WDFY3: variants seen among roughly 807,000 people sequenced by gnomAD.
WDFY3 encodes the protein WD repeat and FYVE domain containing 3, also known as WD repeat and FYVE domain-containing protein 3.
In WDFY3, 66 loss-of-function variants were observed where a neutral mutation model predicts 409.6. The ratio of observed to expected loss-of-function variants is 0.16; its 90% CI spans 0.13 to 0.20. WDFY3 has a LOEUF of 0.20. Ranked by LOEUF, WDFY3 falls within the 10% of genes least tolerant of loss-of-function variation. WDFY3 has a pLI of 1.00. For missense variants in WDFY3, 3,031 were observed against 4,298.1 expected, an observed-to-expected ratio of 0.71 and a Z score of 8.24; for synonymous variants, 1,521 against 1,537.1, an observed-to-expected ratio of 0.99 and a Z score of 0.25.
chr4:84,683,618 T>C (rs1454282063), intron 63 of WDFY3, among the ~76,000 whole-genome samples: 3 of 152,158 alleles, frequency 2.0e-5, no homozygotes, highest in Non-Finnish European at 4.4e-5. Flanking sequence ...ACGAAGCCAT[T>C]TGACAGGCTG....
chr4:84,773,030 C>A, intron 29 of WDFY3, 101 bp from the exon 30 acceptor site: 1 of 887,552 alleles, frequency 1.1e-6, no homozygotes, highest in Non-Finnish European at 1.6e-6. Context: ...AAAACCAAAA[C>A]AGTACTTTTT....
intron 30 of WDFY3, 51 bp downstream of exon 30, chr4:84,772,784 G>T (rs540144214): frequency 4.2e-6 from 6 of 1,440,328 alleles, no homozygotes; most frequent in South Asian, 2.5e-5. Context: ...AAGAAAAAAG[G>T]CATAATATTT....
At chr4:84,736,111 T>A (rs1737394053) in intron 42 of WDFY3, 59 bp downstream of exon 42, 2 of 1,497,860 alleles carry the variant, frequency 1.3e-6, no homozygotes, top group East Asian at 4.6e-5. Context: ...TGCTTGTACA[T>A]GTTAAGTATA....
At chr4:84,767,802 G>C (rs1388675562) in intron 30 of WDFY3, among the ~76,000 whole-genome samples, 8 of 152,066 alleles carry the variant, frequency 5.3e-5, no homozygotes, top group Non-Finnish European at 1.0e-4. Context: ...AAAAAAGTTG[G>C]GGGCCAGGTG....
chr4:84,861,638 AG>A (rs1349638995), intron 3 of WDFY3, among the ~76,000 whole-genome samples: 1 of 152,208 alleles, frequency 6.6e-6, no homozygotes, highest in Non-Finnish European at 1.5e-5. Context: ...AGAAAAAAAT[AG>A]AAGATAAGAA....
chr4:84,901,622 C>G (rs554822068), intron 2 of WDFY3, among the ~76,000 whole-genome samples: 1 of 152,156 alleles, frequency 6.6e-6, no homozygotes, highest in African/African-American at 2.4e-5. Flanking sequence ...TACATTTCAA[C>G]ACCTGCATAT....
chr4:84,874,973 C>T (rs1762575530), intron 3 of WDFY3, among the ~76,000 whole-genome samples: 1 of 151,970 alleles, frequency 6.6e-6, no homozygotes, highest in Non-Finnish European at 1.5e-5. Flanking sequence ...GCAACTGTAA[C>T]ACAATGGTAT....
intron 13 of WDFY3, among the ~76,000 whole-genome samples, chr4:84,811,829 G>A (rs1752542028): frequency 1.3e-5 from 2 of 151,996 alleles, no homozygotes; most frequent in Non-Finnish European, 2.9e-5. Context: ...GAAAGGTTTC[G>A]GATTTTGGAA....
chr4:84,808,747 C>A (rs771235420), intron 14 of WDFY3: 4 of 183,454 alleles, frequency 2.2e-5, no homozygotes, highest in Non-Finnish European at 2.3e-5. Context: ...TCTGAATACA[C>A]AAATTTATAT....
chr4:84,738,925 T>C, intron 40 of WDFY3, 85 bp downstream of exon 40: 2 of 1,431,536 alleles, frequency 1.4e-6, no homozygotes, highest in Non-Finnish European at 2.0e-6. Flanking sequence ...TGCTGGCAGT[T>C]TCTGAAGCCA....
chr4:84,864,365 C>CAAAAAAAAA (rs35016773), intron 3 of WDFY3, among the ~76,000 whole-genome samples: 19 of 32,464 alleles, frequency 5.9e-4, no homozygotes, highest in African/African-American at 6.8e-4. Flanking sequence ...GACTCCATCT[C>CAAAAAAAAA]AAAAAAAAAA....
At position 84,786,121 on chromosome 4, in the gene WDFY3, T is replaced by C. The variant is rs1747509830; in HGVS notation, c.3920A>G (p.Glu1307Gly). 6.2e-7 allele frequency: 1 copy of C among 1,602,636 alleles called. No individual in the cohort carries two copies. The highest frequency in any genetic ancestry group is 8.5e-7 in the Non-Finnish European group (1 of 1,175,894). ...VCMPCKDAKS[E>G]GVVPSPVSLV... ...TGACACAGGGGATGGCACCACCCCT[T>C]CGGATTTTGCATCTTTACCTTCAAA... Residue 1307 changes from glutamate to glycine, a missense_variant, in exon 24 of 68, where the codon GAA (glutamate) becomes GGA (glycine). Glu to Gly is a moderately conservative substitution (Grantham distance 98). Transcript: ENST00000295888.
intron 27 of WDFY3, 38 bp downstream of exon 27, chr4:84,778,465 C>A (rs369936252): frequency 2.0e-6 from 3 of 1,473,044 alleles, no homozygotes; most frequent in Non-Finnish European, 2.7e-6. Context: ...GAAATGCATT[C>A]ATTGATTATA....
chr4:84,926,352 A>G (rs1769993519), intron 2 of WDFY3, among the ~76,000 whole-genome samples: 1 of 151,954 alleles, frequency 6.6e-6, no homozygotes, highest in South Asian at 2.1e-4. Flanking sequence ...TCTAAGACTG[A>G]AATTTTAAGT....
intron 2 of WDFY3, among the ~76,000 whole-genome samples, chr4:84,918,242 C>T (rs763111821): frequency 1.3e-5 from 2 of 152,066 alleles, no homozygotes; most frequent in South Asian, 4.1e-4. Flanking sequence ...TATGAAAAGA[C>T]ACAAGGTTAT....
chr4:84,739,185 G>T, intron 39 of WDFY3, 66 bp from the exon 40 acceptor site: 1 of 1,456,724 alleles, frequency 6.9e-7, no homozygotes, highest in East Asian at 2.3e-5. Context: ...CAGTAACTAA[G>T]AATTACTCTA....
intron 1 of WDFY3, among the ~76,000 whole-genome samples, chr4:84,945,878 T>C (rs1220926228): frequency 6.6e-6 from 1 of 152,112 alleles, no homozygotes; most frequent in Non-Finnish European, 1.5e-5. Context: ...ACTGTTTCAC[T>C]CAATTGAAAG....
chr4:84,867,980 C>T (rs1436031842), intron 3 of WDFY3, among the ~76,000 whole-genome samples: 1 of 151,732 alleles, frequency 6.6e-6, no homozygotes, highest in Non-Finnish European at 1.5e-5. Flanking sequence ...ATCATCCTGG[C>T]CAACATGGTG....
intron 65 of WDFY3, 55 bp downstream of exon 65, chr4:84,678,864 C>G: frequency 6.5e-7 from 1 of 1,543,880 alleles, no homozygotes; most frequent in Non-Finnish European, 8.8e-7. Flanking sequence ...CCTCAATCCA[C>G]CAACCCTCAC....
Sources: gnomAD v4.1 joint callset for allele counts (sites outside exome capture counted in the v4.1 genomes callset) on GRCh38, gnomAD v4.1.1 for gene constraint, MANE v1.5 for transcripts, NCBI Gene and HGNC (gene_info 2026-07-23, HGNC 2026-07-21) for gene names.